Variants in RNF126 observed in about 807,000 individuals in gnomAD.
RNF126 encodes ring finger protein 126, also known as E3 ubiquitin-protein ligase RNF126.
RNF126 carries 20 observed loss-of-function variants against 41.9 expected under a neutral mutation model. The ratio of observed to expected loss-of-function variants is 0.48; its 90% CI spans 0.34 to 0.69. The LOEUF (loss-of-function observed/expected upper bound fraction) is 0.69. Ranked by LOEUF, RNF126 falls within the 30% of genes least tolerant of loss-of-function variation. RNF126 has a pLI of 0.01. For synonymous variants in RNF126, 239 were observed against 202.9 expected (o/e 1.18, Z -1.51); for missense variants, 433 against 460.6 (o/e 0.94, Z 0.55).
rs778420599 is a variant in RNF126, at chr19:648,450, G to A, written c.708C>T (p.Tyr236=). Residue 236 remains tyrosine, a synonymous_variant, in exon 8 of 9, where the codon TAC becomes TAT. Coordinates refer to ENST00000292363, the MANE Select transcript of RNF126 (RefSeq NM_194460.3). ...GCTGCCGCACACGCTCACCCAGCGC[G>A]TAGTCGTCCTTGCACACAGGGCACT... The part of the protein sequence containing the change: ...GLECPVCKDD[Y]ALGERVRQLP... The A allele has an allele frequency of 1.1e-5, 18 of 1,590,132 alleles. No individual in the cohort carries two copies. Among genetic ancestry groups the A allele is most frequent in the Admixed American group, 8.6e-5 (5 of 58,174 alleles).
intron 7 of RNF126, 108 bp from the exon 8 acceptor site, chr19:648,595 G>T: frequency 1.1e-6 from 1 of 894,720 alleles, no homozygotes. Context: ...AGCCCAGCGA[G>T]GGGAGAAAAG....
intron 8 of RNF126, 33 bp from the exon 9 acceptor site, chr19:648,310 G>A (rs1408950484): frequency 1.9e-6 from 3 of 1,542,408 alleles, no homozygotes; most frequent in Admixed American, 2.0e-5. Flanking sequence ...ACGGGAGAAG[G>A]GGCAGGTTAG....
chr19:658,647 T>TCTGTCC (rs1255679760), intron 1 of RNF126, among the ~76,000 whole-genome samples: 1 of 152,094 alleles, frequency 6.6e-6, no homozygotes, highest in South Asian at 2.1e-4. Flanking sequence ...ATTCACACCG[T>TCTGTCC]CTGTCCCTGG....
At chr19:655,504 G>C (rs979074003) in intron 1 of RNF126, among the ~76,000 whole-genome samples, 3 of 151,880 alleles carry the variant, frequency 2.0e-5, no homozygotes, top group South Asian at 2.1e-4. Context: ...AGAAAAGTGG[G>C]GGGGGAAAGG....
chr19:651,669 C>G lies in RNF126; in HGVS notation c.385G>C (p.Ala129Pro). 1 of 1,560,174 alleles carries G rather than the reference C, an allele frequency of 6.4e-7. No individual in the cohort carries two copies. ...RHRYGARQPR[A>P]RLTTRRATGR... ...GTGGCCCGCCGCGTGGTGAGGCGGG[C>G]GCGGGGCTGTCGGGCGCCGTACCGG... Residue 129 changes from alanine (A) to proline (P), a missense_variant, in exon 4 of 9, where the codon GCC (alanine) becomes CCC (proline). Ala to Pro is a conservative substitution (Grantham distance 27). Coordinates refer to ENST00000292363, the MANE Select transcript of RNF126 (RefSeq NM_194460.3).
intron 1 of RNF126, among the ~76,000 whole-genome samples, chr19:656,522 G>A (rs568331209): frequency 6.6e-6 from 1 of 152,154 alleles, no homozygotes; most frequent in African/African-American, 2.4e-5. Flanking sequence ...GGTGGTGGGT[G>A]CCTGTAATCC....
chr19:649,028 G>C, intron 6 of RNF126, 53 bp from the exon 7 acceptor site: 1 of 894,414 alleles, frequency 1.1e-6, no homozygotes, highest in Non-Finnish European at 1.5e-6. Context: ...CCGGCCCGGG[G>C]CTCTGAAACG....
At chr19:648,593 G>A (rs2030098680) in intron 7 of RNF126, 106 bp from the exon 8 acceptor site, 13 of 925,240 alleles carry the variant, frequency 1.4e-5, no homozygotes, top group Admixed American at 2.1e-5. Context: ...TGAGCCCAGC[G>A]AGGGGAGAAA....
At position 655,955 on chromosome 19, in the gene RNF126, G is replaced by A. The variant is rs192548050; in HGVS notation, c.76-3071C>T. Among the ~76,000 whole-genome samples the A allele has an allele frequency of 5.3e-4, 81 of 152,170 alleles. 1 individual carries two copies. The highest frequency in any genetic ancestry group is 4.7e-3 in the Admixed American group (72 of 15,268). ...TGCCAGACACAGAAGACCACGCAGC[G>A]TGTGATCCCACGTCTATGAAATGTC... On this transcript the variant is annotated intron_variant, in intron 1 of 8. Transcript: ENST00000292363.
At chr19:652,504 C>CCAACAGCCT (rs929077452) in intron 2 of RNF126, 29 of 606,248 alleles carry the variant, frequency 4.8e-5, no homozygotes, top group Non-Finnish European at 7.5e-5. Flanking sequence ...GGTGCAGACC[C>CCAACAGCCT]CAACAGCCTC....
intron 7 of RNF126, 118 bp downstream of exon 7, chr19:648,764 T>A: frequency 1.4e-6 from 1 of 708,428 alleles, no homozygotes; most frequent in Admixed American, 3.0e-5. Context: ...AGGTCAGGAG[T>A]TCGAGACCTG....
chr19:651,463 CAG>C (rs1316247405), intron 4 of RNF126, 146 bp downstream of exon 4: 10 of 728,912 alleles, frequency 1.4e-5, no homozygotes, highest in African/African-American at 1.9e-5. Flanking sequence ...TGGGGAGTCA[CAG>C]GGGGCTGGAG....
rs1449461737 is a variant in RNF126, at chr19:663,183, C to T, written c.-62G>A. On this transcript the variant is annotated 5_prime_UTR_variant, in exon 1 of 9. Coordinates refer to ENST00000292363, the MANE Select transcript of RNF126 (RefSeq NM_194460.3). ...CGCGGCACCCGCCGCCGGCCGTTTG[C>T]TGCTCCCTCGCCGGCCGACGCGCCC... The T allele has an allele frequency of 7.8e-6, 6 of 764,910 alleles. No homozygotes were observed. The highest frequency in any genetic ancestry group is 5.5e-5 in the East Asian group (1 of 18,194). The allele number at this position is 764,910 out of a possible 1,614,324, so 47.4% of individuals were successfully genotyped here. A position where few individuals can be genotyped will look rare whatever the true frequency, so the allele number is the denominator to read the frequency against.
chr19:651,189 G>A (rs1484989250), intron 4 of RNF126, among the ~76,000 whole-genome samples: 1 of 149,804 alleles, frequency 6.7e-6, no homozygotes, highest in Non-Finnish European at 1.5e-5. Context: ...CACCAGGAAT[G>A]GGGCCCTGCG....
At chr19:658,698 G>A (rs746491041) in intron 1 of RNF126, among the ~76,000 whole-genome samples, 12 of 152,196 alleles carry the variant, frequency 7.9e-5, no homozygotes, top group South Asian at 2.1e-4. Flanking sequence ...CTGGATGGAC[G>A]AGGCGTGAGC....
In RNF126 at chr19:647,703, G is replaced by A. The variant is rs1053416208; in HGVS notation, c.*425C>T. ...GGGAGGCTGGGGGCCCACGTGGCCC[G>A]TCCTGGCGGCACCTGCAGCACTGGG... On this transcript the variant is annotated 3_prime_UTR_variant, in exon 9 of 9. Coordinates refer to ENST00000292363, the MANE Select transcript of RNF126 (RefSeq NM_194460.3). 11 of 228,956 alleles carry A rather than the reference G, an allele frequency of 4.8e-5. No homozygotes were observed. The highest frequency in any genetic ancestry group is 6.2e-5 in the Non-Finnish European group (7 of 112,438). The allele number at this position is 228,956 out of a possible 1,614,324, so 14.2% of individuals were successfully genotyped here.
chr19:652,134 G>T, intron 3 of RNF126, 99 bp downstream of exon 3: 1 of 1,053,336 alleles, frequency 9.5e-7, no homozygotes, highest in Non-Finnish European at 1.3e-6. Flanking sequence ...TCCGCCGTGC[G>T]GGCAGGGAGA....
intron 1 of RNF126, among the ~76,000 whole-genome samples, chr19:658,424 G>A (rs1188948425): frequency 1.3e-5 from 2 of 152,076 alleles, no homozygotes; most frequent in South Asian, 2.1e-4. Context: ...CAGGGCCCTC[G>A]GGAAGCTGTG....
chr19:655,937 C>T (rs2030545663), intron 1 of RNF126, among the ~76,000 whole-genome samples: 1 of 151,924 alleles, frequency 6.6e-6, no homozygotes, highest in Admixed American at 6.6e-5. Context: ...AGATGCCAGA[C>T]ACAGAAGACC....
Sources: allele counts gnomAD v4.1 joint callset (sites outside exome capture counted in the v4.1 genomes callset), GRCh38; gene constraint gnomAD v4.1.1; transcripts MANE v1.5; gene names NCBI Gene and HGNC (gene_info 2026-07-23, HGNC 2026-07-21).